The following TRMT9B variants were observed in gnomAD, a reference collection of about 807,000 sequenced individuals.
TRMT9B encodes the protein tRNA methyltransferase 9B (putative), also known as probable tRNA methyltransferase 9B.
TRMT9B carries 16 observed loss-of-function variants against 11.5 expected under a neutral mutation model. That is an observed-to-expected ratio of 1.39 (90% CI 0.94 to 2.11). The LOEUF is 2.11. Among genes scored for constraint, TRMT9B ranks in the 30% most tolerant of loss-of-function variants. The probability of loss-of-function intolerance (pLI) is 0.00; values close to 1 mark genes in which losing one functional copy is unlikely to be tolerated. For missense variants in TRMT9B, 941 were observed against 553.8 expected, an observed-to-expected ratio of 1.70 and a Z score of -7.02; for synonymous variants, 274 against 192.4, an observed-to-expected ratio of 1.42 and a Z score of -3.51.
chr8:12,955,914 C>T (rs1469072944), intron 1 of TRMT9B, among the ~76,000 whole-genome samples: 1 of 152,120 alleles, frequency 6.6e-6, no homozygotes, highest in Non-Finnish European at 1.5e-5. Context: ...GAATCAGAAC[C>T]ACCGCTAGAA....
intron 1 of TRMT9B, among the ~76,000 whole-genome samples, chr8:12,947,073 G>C (rs1800304822): frequency 6.6e-6 from 1 of 152,212 alleles, no homozygotes; most frequent in Non-Finnish European, 1.5e-5. Flanking sequence ...TAGCATGTCT[G>C]TCTCTAAATT....
intron 1 of TRMT9B, among the ~76,000 whole-genome samples, chr8:12,952,970 C>G (rs2128857258): frequency 6.6e-6 from 1 of 152,282 alleles, no homozygotes; most frequent in Middle Eastern, 3.4e-3. Flanking sequence ...GAACTCCTGA[C>G]CTCGTGATCC....
At chr8:13,008,501 A>G (rs1258415728) in intron 3 of TRMT9B, among the ~76,000 whole-genome samples, 2 of 152,208 alleles carry the variant, frequency 1.3e-5, no homozygotes, top group African/African-American at 4.8e-5. Flanking sequence ...TGACAATGCA[A>G]GGCTGTAGTA....
At chr8:12,963,115 A>T (rs1328166919) in intron 1 of TRMT9B, among the ~76,000 whole-genome samples, 4 of 152,226 alleles carry the variant, frequency 2.6e-5, no homozygotes, top group Admixed American at 2.6e-4. Flanking sequence ...GCTTTTTATT[A>T]CAGGTAAATA....
intron 1 of TRMT9B, among the ~76,000 whole-genome samples, chr8:12,986,535 C>G (rs1373752268): frequency 6.6e-6 from 1 of 152,210 alleles, no homozygotes; most frequent in African/African-American, 2.4e-5. Context: ...AGTATCTAGA[C>G]CTTCTTATAT....
intron 3 of TRMT9B, among the ~76,000 whole-genome samples, chr8:13,008,225 C>G (rs950955412): frequency 6.6e-6 from 1 of 152,192 alleles, no homozygotes; most frequent in African/African-American, 2.4e-5. Context: ...GTGAACAAAG[C>G]TTATCTAACA....
intron 4 of TRMT9B, among the ~76,000 whole-genome samples, chr8:13,019,499 G>T (rs1045632872): frequency 6.6e-6 from 1 of 152,058 alleles, no homozygotes; most frequent in African/African-American, 2.4e-5. Context: ...TTGCCATGTT[G>T]CCCAGGCTGG....
chr8:12,970,887 C>T (rs947971124), intron 1 of TRMT9B, among the ~76,000 whole-genome samples: 3 of 152,112 alleles, frequency 2.0e-5, no homozygotes, highest in African/African-American at 7.2e-5. Flanking sequence ...CTCGAAAGTT[C>T]TGTTGTGATT....
intron 1 of TRMT9B, among the ~76,000 whole-genome samples, chr8:12,954,932 G>C (rs573332026): frequency 5.3e-5 from 8 of 152,326 alleles, no homozygotes; most frequent in African/African-American, 1.9e-4. Flanking sequence ...GTGAAATGGA[G>C]ATAATGACAC....
chr8:12,980,927 CT>C (rs1289596709), intron 1 of TRMT9B, among the ~76,000 whole-genome samples: 1 of 152,112 alleles, frequency 6.6e-6, no homozygotes, highest in Non-Finnish European at 1.5e-5. Context: ...TATGCGAATT[CT>C]TTTTTGTTTG....
chr8:13,004,137 G>A (rs13252623), intron 2 of TRMT9B, among the ~76,000 whole-genome samples: 1 of 151,918 alleles, frequency 6.6e-6, no homozygotes, highest in African/African-American at 2.4e-5. Context: ...GAGGGGAATT[G>A]CTGGTCCCAG....
intron 2 of TRMT9B, among the ~76,000 whole-genome samples, chr8:12,995,870 G>A (rs1479207145): frequency 6.6e-6 from 1 of 152,060 alleles, no homozygotes; most frequent in African/African-American, 2.4e-5. Flanking sequence ...TCCAATAACT[G>A]CACATATAAA....
intron 1 of TRMT9B, among the ~76,000 whole-genome samples, chr8:12,954,144 A>G (rs1258732680): frequency 6.6e-6 from 1 of 152,222 alleles, no homozygotes; most frequent in African/African-American, 2.4e-5. Flanking sequence ...TGGAAGGTCA[A>G]TGGGAGTGGG....
intron 3 of TRMT9B, chr8:13,012,054 CG>C: frequency 1.0e-6 from 1 of 985,346 alleles, no homozygotes; most frequent in African/African-American, 1.7e-5. Context: ...CGTGGTCTCT[CG>C]GATACTAGAA....
At chr8:13,014,313 C>G (rs567474270) in intron 4 of TRMT9B, among the ~76,000 whole-genome samples, 2 of 152,210 alleles carry the variant, frequency 1.3e-5, no homozygotes, top group South Asian at 4.1e-4. Flanking sequence ...ATAGACTTCG[C>G]TTAAACAACA....
rs1814720747 is a variant in TRMT9B at position 13,026,612 on chromosome 8, GC to G, written c.*4571del. 1 of 167,106 alleles carries G rather than the reference GC, an allele frequency of 6.0e-6. No individual in the cohort carries two copies. The highest frequency in any genetic ancestry group is 2.1e-4 in the South Asian group (1 of 4,828). The allele number at this position is 167,106 out of a possible 1,614,324, so 10.4% of individuals were successfully genotyped here. On this transcript the variant is annotated 3_prime_UTR_variant, in exon 5 of 5. Coordinates refer to ENST00000524591, the MANE Select transcript of TRMT9B (RefSeq NM_020844.3). ...TAATTTATATGCAGTCCTCACCACAGCCCTCCAAGATAACTATACTTATTGT... is the reference window on the plus strand; with the variant it reads ...TAATTTATATGCAGTCCTCACCACAGCCTCCAAGATAACTATACTTATTGT...
chr8:12,946,419 C>T (rs896958733), intron 1 of TRMT9B, among the ~76,000 whole-genome samples: 2 of 151,964 alleles, frequency 1.3e-5, no homozygotes, highest in Admixed American at 6.6e-5. Context: ...CGGTGGTCAC[C>T]CATGGGCTAT....
intron 1 of TRMT9B, among the ~76,000 whole-genome samples, chr8:12,981,157 G>GA (rs1490137883): frequency 3.9e-5 from 6 of 152,154 alleles, no homozygotes; most frequent in Admixed American, 1.3e-4. Flanking sequence ...GCTTGTGCTG[G>GA]AATATAAATC....
intron 2 of TRMT9B, among the ~76,000 whole-genome samples, chr8:12,993,555 T>G (rs746620128): frequency 6.6e-6 from 1 of 152,176 alleles, no homozygotes; most frequent in Non-Finnish European, 1.5e-5. Flanking sequence ...GACAGACCAG[T>G]TAGACTAGCT....
Sources: allele counts gnomAD v4.1 joint callset (sites outside exome capture counted in the v4.1 genomes callset), GRCh38; gene constraint gnomAD v4.1.1; transcripts MANE v1.5; gene names NCBI Gene and HGNC (gene_info 2026-07-23, HGNC 2026-07-21).